Variants in SHISA9 observed in about 807,000 individuals in gnomAD.
The protein encoded by SHISA9 is shisa family member 9, also known as protein shisa-9.
In SHISA9, 13 loss-of-function variants were observed where a neutral mutation model predicts 38.0. The observed-to-expected ratio is 0.34, with a 90% confidence interval of 0.22 to 0.54. The LOEUF is 0.54. SHISA9 is among the 20% of genes least tolerant of loss of function. The pLI is 0.91. For missense variants in SHISA9, 538 were observed against 575.8 expected, an observed-to-expected ratio of 0.93 and a Z score of 0.67; for synonymous variants, 275 against 242.0, an observed-to-expected ratio of 1.14 and a Z score of -1.27.
At chr16:13,470,816 A>T in the SHISA9 span, among the ~76,000 whole-genome samples, 1 of 152,094 alleles carries the variant, frequency 6.6e-6, no homozygotes, top group African/African-American at 2.4e-5. Context: ...AACTGTGTTA[A>T]AGTCCTTGTC....
chr16:12,977,255 C>T lies in SHISA9; in HGVS notation c.691+60440C>T, dbSNP rs149449544. On this transcript the variant is annotated intron_variant, in intron 2 of 4. Coordinates refer to ENST00000558583, the MANE Select transcript of SHISA9 (RefSeq NM_001145204.3). ...GGGTTGCGTAAATGAAAGAAATGGCCCTTGCTCTCAGGGAATTCATGATAG... is the reference window on the plus strand; with the variant it reads ...GGGTTGCGTAAATGAAAGAAATGGCTCTTGCTCTCAGGGAATTCATGATAG... 2.4e-4 allele frequency among the ~76,000 whole-genome samples: 37 copies of T among 152,122 alleles called. 1 individual carries two copies. The South Asian group carries it at 6.5e-3, about 27-fold the overall frequency.
In SHISA9 at chr16:13,236,827, G is replaced by A. The variant is rs371298446; in HGVS notation, c.*1418G>A. 77 of 152,278 alleles carry A rather than the reference G, an allele frequency of 5.1e-4. 1 individual carries two copies. The highest frequency in any genetic ancestry group is 6.8e-3 in the Middle Eastern group (2 of 294). 9.4% of individuals were successfully genotyped at this position (152,278 alleles called of 1,614,324 possible). ...AACCTGTCAGATGTTTCTTGGTCCC[G>A]TAATTCCCATGGTCCCTCCAAATTA... is the stretch of plus-strand genomic sequence containing the variant. On this transcript the variant is annotated 3_prime_UTR_variant, in exon 5 of 5. Transcript: ENST00000558583.
the SHISA9 span, among the ~76,000 whole-genome samples, chr16:13,347,223 C>A: frequency 2.1e-4 from 32 of 152,230 alleles, no homozygotes; most frequent in African/African-American, 7.7e-4. Flanking sequence ...AGCACGGGGT[C>A]AGGTATAGTA....
chr16:13,059,677 TA>T (rs2073351842), intron 2 of SHISA9, among the ~76,000 whole-genome samples: 1 of 152,110 alleles, frequency 6.6e-6, no homozygotes, highest in African/African-American at 2.4e-5. Context: ...GAACTTAAAA[TA>T]AAAAGAAGAG....
chr16:13,301,144 TGTG>T, the SHISA9 span, among the ~76,000 whole-genome samples: 7 of 152,280 alleles, frequency 4.6e-5, no homozygotes, highest in South Asian at 2.1e-4. Flanking sequence ...TTAGAGAATT[TGTG>T]GTGCCGACCA....
chr16:13,415,805 C>T, the SHISA9 span, among the ~76,000 whole-genome samples: 1 of 97,916 alleles, frequency 1.0e-5, no homozygotes, highest in African/African-American at 3.4e-5. Context: ...GTAACCTAAC[C>T]TTCTTTCGTT....
chr16:13,313,632 A>AG, the SHISA9 span, among the ~76,000 whole-genome samples: 1 of 152,352 alleles, frequency 6.6e-6, no homozygotes, highest in East Asian at 1.9e-4. Context: ...AAAAGGAAAC[A>AG]TTGTTTATGA....
At chr16:13,115,599 A>G (rs1458491868) in intron 2 of SHISA9, among the ~76,000 whole-genome samples, 7 of 152,220 alleles carry the variant, frequency 4.6e-5, no homozygotes, top group Admixed American at 3.3e-4. Context: ...AATTATGGAC[A>G]TGTTACAGTG....
At chr16:13,074,363 A>C (rs542528808) in intron 2 of SHISA9, among the ~76,000 whole-genome samples, 2 of 152,192 alleles carry the variant, frequency 1.3e-5, no homozygotes, top group Non-Finnish European at 2.9e-5. Context: ...CTGATTCACA[A>C]TAAAGTTTGA....
chr16:13,133,996 C>A (rs181063425), intron 2 of SHISA9, among the ~76,000 whole-genome samples: 4 of 152,184 alleles, frequency 2.6e-5, no homozygotes, highest in Non-Finnish European at 5.9e-5. Context: ...GTACTCTATG[C>A]CTGCACTAGG....
intron 2 of SHISA9, among the ~76,000 whole-genome samples, chr16:13,080,026 AC>A (rs1418879951): frequency 3.9e-5 from 6 of 152,042 alleles, no homozygotes; most frequent in African/African-American, 1.4e-4. Flanking sequence ...GGATCCAGAA[AC>A]CAGGGAAATT....
At chr16:12,950,352 A>G (rs570174721) in intron 2 of SHISA9, among the ~76,000 whole-genome samples, 1 of 152,330 alleles carries the variant, frequency 6.6e-6, no homozygotes, top group South Asian at 2.1e-4. Flanking sequence ...TCTTTGATAT[A>G]CTAGTATCTT....
downstream of SHISA9, among the ~76,000 whole-genome samples, chr16:13,242,345 G>A (rs544746365): frequency 6.6e-6 from 1 of 152,254 alleles, no homozygotes; most frequent in East Asian, 1.9e-4. Flanking sequence ...AGGAGATGGG[G>A]CCCAGGGTCC....
At chr16:13,266,726 G>A in the SHISA9 span, among the ~76,000 whole-genome samples, 2 of 152,130 alleles carry the variant, frequency 1.3e-5, no homozygotes, top group African/African-American at 4.8e-5. Flanking sequence ...AGTAGGTAGT[G>A]GTGGGTGGAA....
chr16:12,921,459 C>G (rs865984773), intron 2 of SHISA9, among the ~76,000 whole-genome samples: 5 of 152,086 alleles, frequency 3.3e-5, no homozygotes. Flanking sequence ...GAAAATATTC[C>G]CAAGTATTTT....
the SHISA9 span, among the ~76,000 whole-genome samples, chr16:13,527,066 G>C: frequency 6.6e-6 from 1 of 151,982 alleles, no homozygotes; most frequent in Non-Finnish European, 1.5e-5. Context: ...CCACATCTAG[G>C]CTCAAAGAAA....
At chr16:12,998,444 G>A (rs1309826105) in intron 2 of SHISA9, among the ~76,000 whole-genome samples, 3 of 152,190 alleles carry the variant, frequency 2.0e-5, no homozygotes, top group Admixed American at 6.5e-5. Flanking sequence ...TTGGGGTAAA[G>A]GTTCACAGAC....
the SHISA9 span, among the ~76,000 whole-genome samples, chr16:13,327,252 C>T: frequency 6.6e-6 from 1 of 152,064 alleles, no homozygotes; most frequent in Admixed American, 6.6e-5. Context: ...AGCCGAGAGC[C>T]ATGACCTGGC....
chr16:13,178,150 C>T (rs1345379421), intron 2 of SHISA9, among the ~76,000 whole-genome samples: 2 of 152,134 alleles, frequency 1.3e-5, no homozygotes, highest in Admixed American at 1.3e-4. Flanking sequence ...GACAAAGGAG[C>T]TAGGGTATTT....
Sources: allele counts gnomAD v4.1 joint callset (sites outside exome capture counted in the v4.1 genomes callset), GRCh38; gene constraint gnomAD v4.1.1; transcripts MANE v1.5; gene names NCBI Gene and HGNC (gene_info 2026-07-23, HGNC 2026-07-21).